Variants in MERTK observed in about 807,000 individuals in gnomAD.
MERTK encodes the protein tyrosine-protein kinase Mer.
In MERTK, 69 loss-of-function variants were observed where a neutral mutation model predicts 99.3. The ratio of observed to expected loss-of-function variants is 0.70; its 90% CI spans 0.57 to 0.85. MERTK has a LOEUF of 0.85. Among genes scored for constraint, MERTK ranks in the 40% least tolerant of loss-of-function variants. The pLI is 0.00. For synonymous variants in MERTK, 426 were observed against 467.6 expected (o/e 0.91, Z 1.15); for missense variants, 1,125 against 1,249.4 (o/e 0.90, Z 1.50).
intron 4 of MERTK, among the ~76,000 whole-genome samples, chr2:111,962,248 C>T (rs946730350): frequency 1.1e-4 from 17 of 152,128 alleles, no homozygotes; most frequent in African/African-American, 4.1e-4. Flanking sequence ...TGGCTCACAC[C>T]TGTAATCCTA....
chr2:111,957,974 C>G (rs922701405), intron 4 of MERTK, among the ~76,000 whole-genome samples: 1 of 152,136 alleles, frequency 6.6e-6, no homozygotes, highest in Non-Finnish European at 1.5e-5. Context: ...AAGGGAACAT[C>G]CTGTTACTGA....
intron 4 of MERTK, among the ~76,000 whole-genome samples, chr2:111,964,509 C>T (rs958520296): frequency 1.8e-4 from 27 of 152,156 alleles, no homozygotes; most frequent in African/African-American, 6.0e-4. Context: ...GCCATTTCTC[C>T]AAGGAGCCCT....
At chr2:112,011,005 A>C (rs1191843556) in intron 15 of MERTK, among the ~76,000 whole-genome samples, 7 of 152,074 alleles carry the variant, frequency 4.6e-5, no homozygotes, top group Non-Finnish European at 1.0e-4. Flanking sequence ...ACTGCCCTTA[A>C]TCACAGCTGT....
Position 112,021,149 on chromosome 2 carries a change from G to A in MERTK, c.2190-273G>A, listed in dbSNP as rs532041790. On this transcript the variant is annotated intron_variant, in intron 16 of 18. Transcript: ENST00000295408. ...CGGGAAGCAGAGTTTGCTGTGAGCC[G>A]AGATCATGCCACTGCACACCAGCCT... is the stretch of plus-strand genomic sequence containing the variant. Among the ~76,000 whole-genome samples, 6 of 151,996 alleles carry A rather than the reference G, an allele frequency of 3.9e-5. No homozygotes were observed. In the East Asian group the frequency reaches 5.8e-4, roughly 15 times the overall value.
chr2:111,969,707 T>C (rs78559999), intron 6 of MERTK, among the ~76,000 whole-genome samples: 12 of 150,210 alleles, frequency 8.0e-5, no homozygotes, highest in African/African-American at 3.0e-4. Context: ...TTTTTTTTTT[T>C]TTGAGACAGA....
At chr2:111,997,591 G>A (rs1201817174) in intron 10 of MERTK, 115 bp downstream of exon 10, 3 of 1,236,408 alleles carry the variant, frequency 2.4e-6, no homozygotes, top group Non-Finnish European at 3.5e-6. Context: ...TGGCTGCCCT[G>A]CCTTATGCAT....
chr2:111,976,040 T>A (rs1291253159), intron 7 of MERTK, among the ~76,000 whole-genome samples: 1 of 152,110 alleles, frequency 6.6e-6, no homozygotes, highest in Non-Finnish European at 1.5e-5. Context: ...CAGCTTTGTG[T>A]CCAATTAATT....
At chr2:111,941,219 A>G (rs1684860945) in intron 2 of MERTK, among the ~76,000 whole-genome samples, 1 of 145,056 alleles carries the variant, frequency 6.9e-6, no homozygotes, top group African/African-American at 2.9e-5. Context: ...CTTTGAAGTC[A>G]CTGATATATT....
At chr2:111,940,324 C>T in intron 2 of MERTK, 1 of 485,172 alleles carries the variant, frequency 2.1e-6, no homozygotes, top group Admixed American at 2.5e-5. Context: ...TTTTCCCAGC[C>T]TGTGGTCTGT....
At chr2:111,957,559 A>G (rs550580258) in intron 4 of MERTK, among the ~76,000 whole-genome samples, 1 of 152,010 alleles carries the variant, frequency 6.6e-6, no homozygotes, top group Non-Finnish European at 1.5e-5. Context: ...ATCACCTTCT[A>G]ATATATCATA....
intron 10 of MERTK, among the ~76,000 whole-genome samples, chr2:111,998,478 T>C (rs2104402907): frequency 6.6e-6 from 1 of 152,266 alleles, no homozygotes; most frequent in African/African-American, 2.4e-5. Context: ...CCTGCCCTCA[T>C]GGGGTTCACA....
At chr2:111,916,342 T>C (rs942835105) in intron 1 of MERTK, among the ~76,000 whole-genome samples, 19 of 152,180 alleles carry the variant, frequency 1.2e-4, no homozygotes, top group Non-Finnish European at 2.4e-4. Context: ...CTTTCAGGAC[T>C]TCAGTGATAC....
At chr2:112,027,253 T>C (rs1677482774) in intron 18 of MERTK, among the ~76,000 whole-genome samples, 1 of 151,598 alleles carries the variant, frequency 6.6e-6, no homozygotes, top group African/African-American at 2.4e-5. Context: ...CATATATATA[T>C]ATGCCATATA....
chr2:111,922,464 T>G (rs1333596017), intron 1 of MERTK, among the ~76,000 whole-genome samples: 1 of 152,196 alleles, frequency 6.6e-6, no homozygotes, highest in African/African-American at 2.4e-5. Flanking sequence ...CTGGCAATTA[T>G]ATTACTCTAG....
At chr2:111,956,301 GATTGCCT>G (rs1400409610) in intron 4 of MERTK, among the ~76,000 whole-genome samples, 5 of 152,082 alleles carry the variant, frequency 3.3e-5, no homozygotes, top group African/African-American at 1.2e-4. Context: ...TTGGTACCAG[GATTGCCT>G]ATAGGAATGA....
intron 18 of MERTK, 24 bp downstream of exon 18, chr2:112,022,418 T>C: frequency 6.2e-7 from 1 of 1,614,180 alleles, no homozygotes; most frequent in Non-Finnish European, 8.5e-7. Flanking sequence ...TCTGTCTCCC[T>C]TCCATACTCT....
At chr2:112,026,720 C>T (rs947244116) in intron 18 of MERTK, among the ~76,000 whole-genome samples, 10 of 152,080 alleles carry the variant, frequency 6.6e-5, no homozygotes, top group Non-Finnish European at 2.9e-5. Context: ...CTTCCGGATG[C>T]GTGTGCAAGT....
At chr2:111,951,548 T>TATATATATATATATATATATATAC (rs1491494901) in intron 4 of MERTK, among the ~76,000 whole-genome samples, 4 of 118,912 alleles carry the variant, frequency 3.4e-5, no homozygotes, top group Admixed American at 1.8e-4. Context: ...TATATATATA[T>TATATATATATATATATATATATAC]ACCATAATTT....
chr2:111,975,018 C>G (rs1676215189), intron 6 of MERTK, among the ~76,000 whole-genome samples: 1 of 152,086 alleles, frequency 6.6e-6, no homozygotes, highest in Non-Finnish European at 1.5e-5. Context: ...AATATGAATT[C>G]TAATCATCAT....
Sources: allele counts gnomAD v4.1 joint callset (sites outside exome capture counted in the v4.1 genomes callset), GRCh38; gene constraint gnomAD v4.1.1; transcripts MANE v1.5; gene names NCBI Gene and HGNC (gene_info 2026-07-23, HGNC 2026-07-21).